NAALADL2: variants seen among roughly 807,000 people sequenced by gnomAD.
The protein encoded by NAALADL2 is N-acetylated alpha-linked acidic dipeptidase like 2.
Under a neutral mutation model 87.2 loss-of-function variants are expected in NAALADL2, and 76 were observed. The ratio of observed to expected loss-of-function variants is 0.87; its 90% CI spans 0.72 to 1.05. The LOEUF is 1.05. NAALADL2 is among the 50% of genes least tolerant of loss of function. The pLI, the probability that NAALADL2 is intolerant of heterozygous loss-of-function variation, is 0.00. For missense variants in NAALADL2, 1,089 were observed against 945.8 expected, an observed-to-expected ratio of 1.15 and a Z score of -1.99; for synonymous variants, 354 against 331.0, an observed-to-expected ratio of 1.07 and a Z score of -0.75.
chr3:174,975,668 A>G (rs1017543168), intron 1 of NAALADL2, among the ~76,000 whole-genome samples: 1 of 152,112 alleles, frequency 6.6e-6, no homozygotes, highest in African/African-American at 2.4e-5. Flanking sequence ...TGATTGTATT[A>G]TATTACCTGG....
At chr3:175,432,384 T>C (rs975916102) in intron 5 of NAALADL2, among the ~76,000 whole-genome samples, 2 of 152,018 alleles carry the variant, frequency 1.3e-5, no homozygotes, top group Non-Finnish European at 2.9e-5. Flanking sequence ...TCAAAACTTC[T>C]AAAATCCCCT....
chr3:175,104,256 G>A (rs981477596), intron 2 of NAALADL2, among the ~76,000 whole-genome samples: 4 of 152,114 alleles, frequency 2.6e-5, no homozygotes, highest in African/African-American at 4.8e-5. Context: ...TGAGGGAGGC[G>A]AGGTAGTCCT....
chr3:174,492,770 A>G (rs192068235), intron 1 of NAALADL2, among the ~76,000 whole-genome samples: 1 of 152,236 alleles, frequency 6.6e-6, no homozygotes, highest in Non-Finnish European at 1.5e-5. Context: ...AAATAAGACA[A>G]CATAGAATCA....
At chr3:174,623,077 G>A (rs1721196513) in intron 2 of NAALADL2, among the ~76,000 whole-genome samples, 2 of 152,096 alleles carry the variant, frequency 1.3e-5, no homozygotes, top group Admixed American at 1.3e-4. Flanking sequence ...TGAAATGGTG[G>A]GCATCCCTAG....
chr3:175,736,115 C>T (rs569785161), intron 11 of NAALADL2, among the ~76,000 whole-genome samples: 1 of 152,256 alleles, frequency 6.6e-6, no homozygotes, highest in South Asian at 2.1e-4. Flanking sequence ...TTGCTGCCAG[C>T]CCTAAGGTCC....
chr3:175,518,985 T>G (rs1329926620), intron 9 of NAALADL2, among the ~76,000 whole-genome samples: 1 of 152,260 alleles, frequency 6.6e-6, no homozygotes, highest in African/African-American at 2.4e-5. Flanking sequence ...AAAGCATTGA[T>G]AGCTTTGTGG....
Position 174,764,905 on chromosome 3 carries a change from T to C in NAALADL2, c.-9+27159T>C, listed in dbSNP as rs141101324. On this transcript the variant is annotated intron_variant, in intron 3 of 3. Transcript: ENST00000434257. ...CTAGAAACAACCAGGGAAAATTTAT[T>C]TGTATGCTGAAAAATAATCTGAAGC... Among the ~76,000 whole-genome samples, 7 of 152,262 alleles carry C rather than the reference T, an allele frequency of 4.6e-5. No individual in the cohort carries two copies. The East Asian group carries it at 9.7e-4, about 21-fold the overall frequency.
intron 2 of NAALADL2, among the ~76,000 whole-genome samples, chr3:175,209,820 G>A (rs34537941): frequency 0.44 from 66,634 of 151,388 alleles, 16,297 homozygotes; most frequent in Non-Finnish European, 0.55. Flanking sequence ...TATCATCAAT[G>A]TGAAGAGCTT....
chr3:174,692,343 A>G (rs1186615513), intron 2 of NAALADL2, among the ~76,000 whole-genome samples: 1 of 152,234 alleles, frequency 6.6e-6, no homozygotes, highest in African/African-American at 2.4e-5. Flanking sequence ...TGGATCACGC[A>G]TAATGAGCTC....
chr3:175,620,424 A>T (rs1467235083), intron 10 of NAALADL2, among the ~76,000 whole-genome samples: 1 of 152,218 alleles, frequency 6.6e-6, no homozygotes, highest in Non-Finnish European at 1.5e-5. Context: ...AAGAGATGCC[A>T]GCAATCACAG....
chr3:175,441,052 T>C (rs1163900756), intron 5 of NAALADL2, among the ~76,000 whole-genome samples: 2 of 152,150 alleles, frequency 1.3e-5, no homozygotes, highest in Admixed American at 6.5e-5. Context: ...ACAGTTTTTT[T>C]TCTTTTCATT....
intron 4 of NAALADL2, among the ~76,000 whole-genome samples, chr3:175,271,327 T>G (rs1449185832): frequency 6.6e-6 from 1 of 152,058 alleles, no homozygotes; most frequent in African/African-American, 2.4e-5. Flanking sequence ...GAAATAGATT[T>G]AAAAAAAATT....
rs1002565274 is a variant in NAALADL2 at position 175,560,610 on chromosome 3, T to G, written c.1654-15431T>G. ...TTCTTTTTTGATGTAGGCACATAGC[T>G]ATAAATTTCCCTCTTAGTACTTCTT... On this transcript the variant is annotated intron_variant, in intron 9 of 13. Transcript: ENST00000454872. Among the ~76,000 whole-genome samples the G allele has an allele frequency of 6.6e-5, 10 of 152,194 alleles. No homozygotes were observed. In the South Asian group the frequency reaches 1.7e-3, roughly 25 times the overall value.
chr3:175,421,930 C>G (rs1272322755), intron 5 of NAALADL2, among the ~76,000 whole-genome samples: 1 of 151,880 alleles, frequency 6.6e-6, no homozygotes, highest in Non-Finnish European at 1.5e-5. Flanking sequence ...ATACAAATAC[C>G]CTGGTGAAGG....
chr3:174,540,797 T>C (rs977208820), intron 1 of NAALADL2: 5 of 152,198 alleles, frequency 3.3e-5, no homozygotes, highest in African/African-American at 1.2e-4. Context: ...TTCCCAATGA[T>C]ACAATGTGAC....
chr3:175,023,206 C>T (rs2108873306), intron 1 of NAALADL2, among the ~76,000 whole-genome samples: 1 of 151,912 alleles, frequency 6.6e-6, no homozygotes, highest in South Asian at 2.1e-4. Flanking sequence ...AAGAAGTATC[C>T]AAATCAGCAC....
At chr3:175,786,073 G>A (rs1415358650) in intron 13 of NAALADL2, among the ~76,000 whole-genome samples, 3 of 152,166 alleles carry the variant, frequency 2.0e-5, no homozygotes, top group African/African-American at 7.2e-5. Context: ...GAGATCCGCT[G>A]TTAGTCTGAT....
chr3:175,049,200 C>T (rs1755054404), intron 1 of NAALADL2, among the ~76,000 whole-genome samples: 1 of 151,902 alleles, frequency 6.6e-6, no homozygotes, highest in South Asian at 2.1e-4. Context: ...AGTATTGGAA[C>T]AAATGATATT....
intron 5 of NAALADL2, among the ~76,000 whole-genome samples, chr3:175,374,327 G>A (rs990680592): frequency 1.3e-5 from 2 of 151,662 alleles, no homozygotes; most frequent in Non-Finnish European, 2.9e-5. Flanking sequence ...GCCGAGGTGG[G>A]AGGGTCATTT....
Sources: allele counts gnomAD v4.1 joint callset (sites outside exome capture counted in the v4.1 genomes callset), GRCh38; gene constraint gnomAD v4.1.1; transcripts MANE v1.5; gene names NCBI Gene and HGNC (gene_info 2026-07-23, HGNC 2026-07-21).